Variants in MBNL2 observed in about 807,000 individuals in gnomAD.
MBNL2 encodes muscleblind-like protein 2.
Under a neutral mutation model 41.9 loss-of-function variants are expected in MBNL2, and 17 were observed. That is an observed-to-expected ratio of 0.41 (90% CI 0.28 to 0.61). MBNL2 has a LOEUF of 0.61. MBNL2 is among the 20% of genes least tolerant of loss of function. The pLI, the probability that MBNL2 is intolerant of heterozygous loss-of-function variation, is 0.35. For synonymous variants in MBNL2, 195 were observed against 182.9 expected, an observed-to-expected ratio of 1.07 and a Z score of -0.53; for missense variants, 336 against 505.6, an observed-to-expected ratio of 0.66 and a Z score of 3.22.
the MBNL2 span, among the ~76,000 whole-genome samples, chr13:97,162,299 T>C: frequency 6.6e-6 from 1 of 151,780 alleles, no homozygotes; most frequent in East Asian, 1.9e-4. Context: ...CCAACTAAGA[T>C]CTACATCAAA....
rs1332832942 is a variant in MBNL2, at chr13:97,393,504, TAGA to T, written c.*2059_*2061del. 6.6e-6 allele frequency: 1 copy of T among 152,434 alleles called. No homozygotes were observed. The highest frequency in any genetic ancestry group is 1.5e-5 in the Non-Finnish European group (1 of 67,932). The allele number at this position is 152,434 out of a possible 1,614,324, so 9.4% of individuals were successfully genotyped here. ...CATCACCTGTAACCCCAAGCAAATA[TAGA>T]AGACTGTATTTTTTACTATGATATC... is the stretch of plus-strand genomic sequence containing the variant. On this transcript the variant is annotated 3_prime_UTR_variant, in exon 9 of 9. Transcript: ENST00000679496.
the MBNL2 span, among the ~76,000 whole-genome samples, chr13:97,210,660 G>A: frequency 8.3e-6 from 1 of 120,650 alleles, no homozygotes; most frequent in Non-Finnish European, 1.6e-5. Flanking sequence ...TGGTGCAATC[G>A]TGGCTTACTG....
At chr13:97,368,013 AG>A (rs1258987154) in intron 8 of MBNL2, among the ~76,000 whole-genome samples, 1 of 152,202 alleles carries the variant, frequency 6.6e-6, no homozygotes, top group African/African-American at 2.4e-5. Context: ...CATTCTTAAT[AG>A]GGAAGCTGGA....
chr13:97,149,944 C>T, the MBNL2 span, among the ~76,000 whole-genome samples: 4 of 152,198 alleles, frequency 2.6e-5, no homozygotes, highest in Non-Finnish European at 5.9e-5. Flanking sequence ...AAAACACCCC[C>T]CTATATCACA....
intron 1 of MBNL2, among the ~76,000 whole-genome samples, chr13:97,267,288 G>A (rs900541017): frequency 6.6e-6 from 1 of 152,218 alleles, no homozygotes; most frequent in African/African-American, 2.4e-5. Flanking sequence ...ACAGTCAAAA[G>A]TGAATGCTTT....
the MBNL2 span, among the ~76,000 whole-genome samples, chr13:97,173,551 C>G: frequency 6.6e-6 from 1 of 152,182 alleles, no homozygotes; most frequent in Non-Finnish European, 1.5e-5. Flanking sequence ...ACTTGCCTGC[C>G]TGCCCTGGCC....
the MBNL2 span, among the ~76,000 whole-genome samples, chr13:97,204,997 T>A: frequency 6.6e-6 from 1 of 151,848 alleles, no homozygotes; most frequent in African/African-American, 2.4e-5. Flanking sequence ...CATGGTGAAA[T>A]GCCATCTTTA....
intron 1 of MBNL2, among the ~76,000 whole-genome samples, chr13:97,274,658 T>C (rs2051804787): frequency 1.3e-5 from 2 of 152,230 alleles, no homozygotes; most frequent in African/African-American, 4.8e-5. Context: ...AGGTCATTTG[T>C]GGCATATCCT....
the MBNL2 span, among the ~76,000 whole-genome samples, chr13:97,204,807 G>T: frequency 0.011 from 1,684 of 152,114 alleles, 42 homozygotes; most frequent in African/African-American, 0.038. Context: ...GGCCAGGTGC[G>T]GTGGCTCAGG....
chr13:97,241,827 T>C (rs1662311696), intron 1 of MBNL2, among the ~76,000 whole-genome samples: 1 of 151,884 alleles, frequency 6.6e-6, no homozygotes, highest in African/African-American at 2.4e-5. Context: ...GTTAGGCGAG[T>C]TGGGTCTGAC....
chr13:97,224,006 T>C (rs1404250028), intron 1 of MBNL2, among the ~76,000 whole-genome samples: 2 of 152,352 alleles, frequency 1.3e-5, no homozygotes, highest in South Asian at 2.1e-4. Context: ...TTTTCGCCTG[T>C]CTTTTGTAAA....
At chr13:97,269,188 G>A (rs1346254523) in intron 1 of MBNL2, among the ~76,000 whole-genome samples, 2 of 152,160 alleles carry the variant, frequency 1.3e-5, no homozygotes, top group East Asian at 3.9e-4. Flanking sequence ...TGGGACATTG[G>A]AAATACAACC....
chr13:97,212,729 T>G, the MBNL2 span, among the ~76,000 whole-genome samples: 4 of 152,320 alleles, frequency 2.6e-5, no homozygotes, highest in African/African-American at 7.2e-5. Flanking sequence ...TGACTCAGTA[T>G]AATCACTATG....
chr13:97,202,983 T>C, the MBNL2 span, among the ~76,000 whole-genome samples: 3 of 152,190 alleles, frequency 2.0e-5, no homozygotes, highest in African/African-American at 7.2e-5. Flanking sequence ...TCTTGTTTTG[T>C]GCTCCTCCTC....
intron 1 of MBNL2, among the ~76,000 whole-genome samples, chr13:97,232,753 C>G (rs1185857566): frequency 2.0e-5 from 3 of 152,004 alleles, no homozygotes; most frequent in Non-Finnish European, 4.4e-5. Context: ...AGAAGTCCCT[C>G]CTCACAAAGG....
Position 97,356,809 on chromosome 13 carries a change from C to T in MBNL2, c.818C>T (p.Ala273Val). The T allele has an allele frequency of 1.5e-6, 2 of 1,363,290 alleles. No homozygotes were observed. Among genetic ancestry groups the T allele is most frequent in the South Asian group, 1.1e-5 (1 of 88,246 alleles). The allele number at this position is 1,363,290 out of a possible 1,614,324, so 84.4% of individuals were successfully genotyped here. ...AAATVMTQST[A>V]KAMKRPLEAT... ...TGTTATTAAAAGACTCAGTCGACTG[C>T]CAAAGCAATGAAGCGACCTCTCGAA... The change falls in exon 6 of 9, where the codon GCC (alanine) becomes GTC (valine). Residue 273 changes from alanine to valine, a missense_variant. Coordinates refer to ENST00000679496, the MANE Select transcript of MBNL2 (RefSeq NM_001382683.1).
At chr13:97,190,247 G>T in the MBNL2 span, among the ~76,000 whole-genome samples, 1 of 152,204 alleles carries the variant, frequency 6.6e-6, no homozygotes, top group Admixed American at 6.5e-5. Flanking sequence ...CCCTTGTTCT[G>T]TGTAAATAAA....
intron 1 of MBNL2, among the ~76,000 whole-genome samples, chr13:97,237,695 G>T (rs1025285957): frequency 3.3e-5 from 5 of 152,218 alleles, no homozygotes; most frequent in African/African-American, 1.2e-4. Context: ...GCAGTCTAGG[G>T]TGTACTTGGC....
At chr13:97,196,729 A>C in the MBNL2 span, among the ~76,000 whole-genome samples, 2 of 152,092 alleles carry the variant, frequency 1.3e-5, no homozygotes, top group Non-Finnish European at 2.9e-5. Flanking sequence ...GGGCACAGAA[A>C]GGTGGTGTGA....
Sources: allele counts gnomAD v4.1 joint callset (sites outside exome capture counted in the v4.1 genomes callset), GRCh38; gene constraint gnomAD v4.1.1; transcripts MANE v1.5; gene names NCBI Gene and HGNC (gene_info 2026-07-23, HGNC 2026-07-21).